MGRN1: variants seen among roughly 807,000 people sequenced by gnomAD.
MGRN1 encodes mahogunin ring finger 1.
MGRN1 carries 29 observed loss-of-function variants against 69.2 expected under a neutral mutation model. The ratio of observed to expected loss-of-function variants is 0.42; its 90% CI spans 0.31 to 0.57. MGRN1 has a LOEUF of 0.57. Among genes scored for constraint, MGRN1 ranks in the 20% least tolerant of loss-of-function variants. The probability of loss-of-function intolerance (pLI) is 0.15; values close to 1 mark genes in which losing one functional copy is unlikely to be tolerated. For missense variants in MGRN1, 998 were observed against 796.2 expected (o/e 1.25, Z -3.05); for synonymous variants, 470 against 344.2 (o/e 1.37, Z -4.04).
chr16:4,676,740 G>A (rs1344115482), intron 10 of MGRN1, among the ~76,000 whole-genome samples: 1 of 152,180 alleles, frequency 6.6e-6, no homozygotes, highest in Non-Finnish European at 1.5e-5. Context: ...AGCCTGTGGG[G>A]CCCTTGTGTG....
At chr16:4,666,229 G>A (rs1458971175) in intron 7 of MGRN1, among the ~76,000 whole-genome samples, 1 of 152,048 alleles carries the variant, frequency 6.6e-6, no homozygotes, top group Non-Finnish European at 1.5e-5. Context: ...CTGGGCTTAA[G>A]GAGATCCTCC....
Position 4,689,188 on chromosome 16 carries a change from G to T in MGRN1, c.*280G>T. 3 of 378,308 alleles carry T rather than the reference G, an allele frequency of 7.9e-6. No individual in the cohort carries two copies. Among genetic ancestry groups the T allele is most frequent in the Non-Finnish European group, 9.4e-6 (2 of 212,896 alleles). The allele number at this position is 378,308 out of a possible 1,614,324, so 23.4% of individuals were successfully genotyped here. A position where few individuals can be genotyped will look rare whatever the true frequency, so the allele number is the denominator to read the frequency against. On this transcript the variant is annotated 3_prime_UTR_variant, in exon 17 of 17. Transcript: ENST00000262370. ...TTCCCCAGGGTCCTGTGGGCTGAGC[G>T]GCTGGGGCTGGGGCTGCCCACGTGT...
rs1255086519 is a variant in MGRN1, at chr16:4,681,784, G to A, written c.1358+8G>A. 6.2e-7 allele frequency: 1 copy of A among 1,608,332 alleles called. No individual in the cohort carries two copies. The highest frequency in any genetic ancestry group is 8.5e-7 in the Non-Finnish European group (1 of 1,177,764). On this transcript the variant is annotated splice_region_variant and intron_variant, in intron 13 of 16. Coordinates refer to ENST00000262370, the MANE Select transcript of MGRN1 (RefSeq NM_015246.4). ...GAGCAAGGCCCCCGACAGGTGAGCA[G>A]CAGCCAGGCCAGGTGCATGGCAGGG...
At chr16:4,635,801 ATTTTTT>A (rs34343082) in intron 1 of MGRN1, among the ~76,000 whole-genome samples, 22 of 125,692 alleles carry the variant, frequency 1.8e-4, no homozygotes, top group East Asian at 6.6e-4. Context: ...CGCCCAGCTA[ATTTTTT>A]TTTTTTTTTT....
chr16:4,680,244 C>A, intron 12 of MGRN1, 147 bp downstream of exon 12: 1 of 775,660 alleles, frequency 1.3e-6, no homozygotes, highest in Non-Finnish European at 2.0e-6. Flanking sequence ...GCCTCCCTGC[C>A]CAGGGAGTTT....
intron 1 of MGRN1, among the ~76,000 whole-genome samples, chr16:4,633,160 G>A (rs1457207400): frequency 6.6e-6 from 1 of 152,074 alleles, no homozygotes; most frequent in African/African-American, 2.4e-5. Context: ...GGCTGAGGCG[G>A]GTGGACCATT....
chr16:4,655,477 C>T (rs944774736), intron 4 of MGRN1, among the ~76,000 whole-genome samples: 2 of 151,416 alleles, frequency 1.3e-5, no homozygotes, highest in South Asian at 2.1e-4. Flanking sequence ...GCAGGAACAG[C>T]TCCAGTGCCA....
rs117890317 is a variant in MGRN1 at position 4,650,624 on chromosome 16, G to T, written c.207+141G>T. The T allele has an allele frequency of 6.4e-4, 427 of 662,842 alleles. 7 individuals are homozygous for T. In the East Asian group the frequency reaches 0.012, roughly 18 times the overall value. The allele number at this position is 662,842 out of a possible 1,614,324, so 41.1% of individuals were successfully genotyped here. ...GAGCTCCTGGCAGGATTCCAGTTGA[G>T]CTTGGGTGTGGGCACGTGCCCTGGA... On this transcript the variant is annotated intron_variant, in intron 2 of 16. Transcript: ENST00000262370.
rs1185517838 is a variant in MGRN1 at position 4,646,635 on chromosome 16, A to G, written c.89-3730A>G. On this transcript the variant is annotated intron_variant, in intron 1 of 16. Transcript: ENST00000262370. ...AGAGCCTTAGAAGCCACACACCATC[A>G]TTTTCATGCAGTCTCTGTGGTCATC... 5.9e-5 allele frequency among the ~76,000 whole-genome samples: 9 copies of G among 151,502 alleles called. No individual in the cohort carries two copies. The East Asian group carries it at 1.8e-3, about 30-fold the overall frequency.
intron 16 of MGRN1, chr16:4,686,766 T>C (rs1375125798): frequency 1.7e-5 from 17 of 995,044 alleles, no homozygotes; most frequent in Admixed American, 6.0e-5. Flanking sequence ...GGTCCCACCA[T>C]GAGTTCGCAT....
Position 4,689,693 on chromosome 16 carries a change from G to A in MGRN1, c.*785G>A, listed in dbSNP as rs1487334888. On this transcript the variant is annotated 3_prime_UTR_variant, in exon 17 of 17. Transcript: ENST00000262370. ...AGGTGCAGGGGCTTCTGTTTGGCAGGCCCCTGCCAGGGAGGACCTGGTGGC... is the reference window on the plus strand; with the variant it reads ...AGGTGCAGGGGCTTCTGTTTGGCAGACCCCTGCCAGGGAGGACCTGGTGGC... The A allele has an allele frequency of 6.6e-6, 1 of 152,142 alleles. No individual in the cohort carries two copies. Among genetic ancestry groups the A allele is most frequent in the Non-Finnish European group, 1.5e-5 (1 of 68,042 alleles). The allele number at this position is 152,142 out of a possible 1,614,324, so 9.4% of individuals were successfully genotyped here. A position where few individuals can be genotyped will look rare whatever the true frequency, so the allele number is the denominator to read the frequency against.
At chr16:4,680,505 T>G (rs1256980418) in intron 12 of MGRN1, 1 of 182,652 alleles carries the variant, frequency 5.5e-6, no homozygotes, top group African/African-American at 2.4e-5. Flanking sequence ...GGGCTGAGCT[T>G]TTTGGTTTCC....
chr16:4,657,888 G>A (rs1463760328), intron 5 of MGRN1, among the ~76,000 whole-genome samples: 4 of 151,604 alleles, frequency 2.6e-5, no homozygotes, highest in African/African-American at 4.8e-5. Context: ...GACTACAGGC[G>A]CCTGCCACCA....
chr16:4,687,123 G>T, intron 16 of MGRN1: 1 of 985,400 alleles, frequency 1.0e-6, no homozygotes, highest in Non-Finnish European at 1.2e-6. Flanking sequence ...CACTGCTGCC[G>T]ACTCACCTGT....
intron 1 of MGRN1, among the ~76,000 whole-genome samples, chr16:4,645,699 G>T (rs13330902): frequency 6.6e-6 from 1 of 152,148 alleles, no homozygotes; most frequent in African/African-American, 2.4e-5. Context: ...GGAAGAGCTG[G>T]ATGAGCTGAG....
At chr16:4,677,315 A>AG (rs2079073982) in intron 10 of MGRN1, 148 bp from the exon 11 acceptor site, 1 of 472,740 alleles carries the variant, frequency 2.1e-6, no homozygotes, top group Non-Finnish European at 3.6e-6. Context: ...TAAAACTAAA[A>AG]GAAAAAAAAA....
chr16:4,631,004 T>G (rs1212156316), intron 1 of MGRN1, among the ~76,000 whole-genome samples: 2 of 151,946 alleles, frequency 1.3e-5, no homozygotes, highest in Non-Finnish European at 2.9e-5. Flanking sequence ...ATTTTTTTTG[T>G]AGAGACAGGG....
chr16:4,651,262 G>C (rs1596280771), intron 2 of MGRN1, among the ~76,000 whole-genome samples: 1 of 151,106 alleles, frequency 6.6e-6, no homozygotes, highest in Admixed American at 6.5e-5. Flanking sequence ...ACTGTGAGCT[G>C]TCTGTTCAGC....
chr16:4,626,906 C>G (rs1344231017), intron 1 of MGRN1, among the ~76,000 whole-genome samples: 1 of 152,242 alleles, frequency 6.6e-6, no homozygotes, highest in Non-Finnish European at 1.5e-5. Flanking sequence ...TGTTCTGCGC[C>G]CATCCAGTCC....
Sources: gnomAD v4.1 joint callset for allele counts (sites outside exome capture counted in the v4.1 genomes callset) on GRCh38, gnomAD v4.1.1 for gene constraint, MANE v1.5 for transcripts, NCBI Gene and HGNC (gene_info 2026-07-23, HGNC 2026-07-21) for gene names.